KIFAP3: variants seen among roughly 807,000 people sequenced by gnomAD.
KIFAP3 encodes kinesin associated protein 3.
A neutral mutation model predicts 106.5 loss-of-function variants in KIFAP3; 68 were observed. That is an observed-to-expected ratio of 0.64 (90% CI 0.53 to 0.78). The LOEUF is 0.78. Among genes scored for constraint, KIFAP3 ranks in the 30% least tolerant of loss-of-function variants. The probability of loss-of-function intolerance (pLI) is 0.00; values close to 1 mark genes in which losing one functional copy is unlikely to be tolerated. For synonymous variants in KIFAP3, 320 were observed against 311.5 expected (o/e 1.03, Z -0.29); for missense variants, 780 against 941.8 (o/e 0.83, Z 2.25).
chr1:170,075,244 C>T (rs768786431), upstream of KIFAP3, among the ~76,000 whole-genome samples: 1 of 151,388 alleles, frequency 6.6e-6, no homozygotes, highest in Non-Finnish European at 1.5e-5. Context: ...CAATTGTTAG[C>T]AGTGCAGGGC....
At chr1:169,968,474 CT>C (rs1558205105) in intron 17 of KIFAP3, among the ~76,000 whole-genome samples, 2 of 151,802 alleles carry the variant, frequency 1.3e-5, no homozygotes, top group South Asian at 2.1e-4. Context: ...TGGCAGCCCC[CT>C]AATTGAGACT....
chr1:169,996,367 G>A (rs562706816), intron 10 of KIFAP3, among the ~76,000 whole-genome samples: 1 of 152,280 alleles, frequency 6.6e-6, no homozygotes, highest in South Asian at 2.1e-4. Context: ...AGAAGCTCTA[G>A]GGACACAAGG....
intron 1 of KIFAP3, among the ~76,000 whole-genome samples, chr1:170,061,255 T>C (rs1314242033): frequency 3.3e-5 from 5 of 152,126 alleles, no homozygotes; most frequent in African/African-American, 9.7e-5. Flanking sequence ...ATTTTTGCAA[T>C]CTACCCATCT....
intron 19 of KIFAP3, among the ~76,000 whole-genome samples, chr1:169,922,206 A>G (rs532642135): frequency 6.6e-6 from 1 of 152,336 alleles, no homozygotes; most frequent in African/African-American, 2.4e-5. Context: ...ATATGAAGAT[A>G]CAGGACTAAT....
chr1:169,951,430 T>C (rs1380901778), intron 19 of KIFAP3, among the ~76,000 whole-genome samples: 1 of 151,920 alleles, frequency 6.6e-6, no homozygotes, highest in Non-Finnish European at 1.5e-5. Flanking sequence ...ATTACTGGGA[T>C]ATGTCTTTTG....
chr1:170,033,752 G>C (rs989461804), intron 7 of KIFAP3, among the ~76,000 whole-genome samples: 11 of 151,722 alleles, frequency 7.3e-5, no homozygotes, highest in Admixed American at 7.2e-4. Context: ...CACAGAATGG[G>C]TGAAATAAAT....
intron 10 of KIFAP3, among the ~76,000 whole-genome samples, chr1:170,009,293 A>G (rs1265621201): frequency 6.6e-6 from 1 of 152,158 alleles, no homozygotes; most frequent in African/African-American, 2.4e-5. Flanking sequence ...CTGACATAAA[A>G]ATTTGGAACA....
At chr1:169,971,817 C>T (rs11807267) in intron 17 of KIFAP3, among the ~76,000 whole-genome samples, 25,224 of 151,856 alleles carry the variant, frequency 0.17, 2,246 homozygotes, top group Middle Eastern at 0.22. Context: ...AAGAAAGCAA[C>T]GTGGTTGTGC....
intron 19 of KIFAP3, among the ~76,000 whole-genome samples, chr1:169,949,487 G>T (rs979184294): frequency 2.0e-5 from 3 of 151,892 alleles, no homozygotes; most frequent in Non-Finnish European, 4.4e-5. Context: ...AAAGAAAAAT[G>T]GACCATTTTT....
intron 10 of KIFAP3, among the ~76,000 whole-genome samples, chr1:170,006,329 A>T (rs1667959426): frequency 6.6e-6 from 1 of 152,156 alleles, no homozygotes; most frequent in African/African-American, 2.4e-5. Flanking sequence ...TCTAGGTATT[A>T]GGAGTAAAGA....
At chr1:170,079,675 A>G (rs1014496346), upstream of KIFAP3, among the ~76,000 whole-genome samples, 3 of 152,030 alleles carry the variant, frequency 2.0e-5, no homozygotes, top group African/African-American at 7.2e-5. Flanking sequence ...TAGCTTTGTA[A>G]TATATTTTGA....
At chr1:169,986,446 G>C (rs1272869996) in intron 11 of KIFAP3, among the ~76,000 whole-genome samples, 1 of 151,826 alleles carries the variant, frequency 6.6e-6, no homozygotes, top group African/African-American at 2.4e-5. Flanking sequence ...CCCCTTGAGG[G>C]CAGATCTTTA....
chr1:169,964,874 A>G (rs1446648429), intron 17 of KIFAP3, among the ~76,000 whole-genome samples: 1 of 152,184 alleles, frequency 6.6e-6, no homozygotes, highest in Non-Finnish European at 1.5e-5. Context: ...TTTTGTTGCC[A>G]TATGTGTGTC....
chr1:169,982,842 T>G lies in KIFAP3; in HGVS notation c.1532A>C (p.Gln511Pro). 1 of 1,597,038 alleles carries G rather than the reference T, an allele frequency of 6.3e-7. No homozygotes were observed. Among genetic ancestry groups the G allele is most frequent in the South Asian group, 1.1e-5 (1 of 88,210 alleles). The stretch of plus-strand genomic sequence containing the variant: ...CTCCTCTTCTTCATCATTAGAGATC[T>G]GGGCTGCAAGGTCCCCAACATAATC... ...FIDYVGDLAA[Q>P]ISNDEEEEFV... Residue 511 changes from glutamine (Q) to proline (P), a missense_variant, in exon 14 of 20, where the codon CAG becomes CCG. Transcript: ENST00000361580.
intron 16 of KIFAP3, among the ~76,000 whole-genome samples, chr1:169,976,136 C>T (rs1274655467): frequency 6.6e-6 from 1 of 152,118 alleles, no homozygotes; most frequent in Admixed American, 6.6e-5. Flanking sequence ...GTACAGGTAC[C>T]TGGTAGGTAC....
intron 10 of KIFAP3, among the ~76,000 whole-genome samples, chr1:169,996,619 G>A (rs1400034200): frequency 1.3e-5 from 2 of 152,166 alleles, no homozygotes; most frequent in African/African-American, 4.8e-5. Flanking sequence ...ACCTAGGTCT[G>A]ACTATAAAGC....
intron 17 of KIFAP3, among the ~76,000 whole-genome samples, chr1:169,965,677 G>A (rs58034463): frequency 0.033 from 5,049 of 151,980 alleles, 280 homozygotes; most frequent in African/African-American, 0.12. Context: ...ATGTAAAAAT[G>A]TGTAACAAAG....
At chr1:170,038,997 C>A (rs568371186) in intron 4 of KIFAP3, among the ~76,000 whole-genome samples, 1 of 152,104 alleles carries the variant, frequency 6.6e-6, no homozygotes, top group Non-Finnish European at 1.5e-5. Flanking sequence ...GCAGGAAAAT[C>A]GCTTGAACCC....
chr1:170,041,716 A>G, intron 3 of KIFAP3: 2 of 1,535,112 alleles, frequency 1.3e-6, no homozygotes, highest in South Asian at 2.4e-5. Context: ...ACAGTTTCTG[A>G]ATCTGAAAGA....
Sources: allele counts gnomAD v4.1 joint callset (sites outside exome capture counted in the v4.1 genomes callset), GRCh38; gene constraint gnomAD v4.1.1; transcripts MANE v1.5; gene names NCBI Gene and HGNC (gene_info 2026-07-23, HGNC 2026-07-21).